The following CD36 variants were observed in gnomAD, a reference collection of about 807,000 sequenced individuals.
CD36 encodes platelet glycoprotein 4.
In CD36, 119 loss-of-function variants were observed where a neutral mutation model predicts 55.2. The ratio of observed to expected loss-of-function variants is 2.15; its 90% CI spans 1.86 to 2.51. CD36 has a LOEUF of 2.51. Ranked by LOEUF, CD36 falls within the 30% of genes most tolerant of loss-of-function variation. CD36 has a pLI of 0.00. For synonymous variants in CD36, 186 were observed against 193.6 expected (o/e 0.96, Z 0.33); for missense variants, 819 against 555.5 (o/e 1.47, Z -4.77).
chr7:80,614,712 AC>A (rs1228345205), intron 1 of CD36, among the ~76,000 whole-genome samples: 1 of 151,870 alleles, frequency 6.6e-6, no homozygotes, highest in East Asian at 1.9e-4. Context: ...CAATTCCAAT[AC>A]CCCAGTTTAT....
At chr7:80,604,301 T>C (rs1233078485) in intron 1 of CD36, among the ~76,000 whole-genome samples, 1 of 150,728 alleles carries the variant, frequency 6.6e-6, no homozygotes, top group Non-Finnish European at 1.5e-5. Context: ...GTAAATAGTT[T>C]TAGTGTTCTG....
chr7:80,661,028 A>G, intron 4 of CD36, 35 bp from the exon 5 acceptor site: 1 of 1,503,024 alleles, frequency 6.7e-7, no homozygotes, highest in Non-Finnish European at 9.3e-7. Context: ...ACATATGACA[A>G]ATGTTTTGAA....
chr7:80,667,537 A>G (rs1234439237), intron 8 of CD36, among the ~76,000 whole-genome samples: 1 of 152,024 alleles, frequency 6.6e-6, no homozygotes, highest in Non-Finnish European at 1.5e-5. Context: ...AGTTTAGAAA[A>G]TTAGGGAATA....
chr7:80,634,828 A>T (rs1044929451), upstream of CD36, among the ~76,000 whole-genome samples: 4 of 152,058 alleles, frequency 2.6e-5, no homozygotes, highest in African/African-American at 7.2e-5. Context: ...CTCAAAGTGG[A>T]TAAAGGCTTT....
chr7:80,640,508 C>T (rs1241444157), intron 1 of CD36, among the ~76,000 whole-genome samples: 1 of 151,964 alleles, frequency 6.6e-6, no homozygotes, highest in African/African-American at 2.4e-5. Context: ...AACTGTATCA[C>T]AGACAAACTT....
rs188355801 is a variant in CD36, at chr7:80,669,388, G to C, written c.749-565G>C. Among the ~76,000 whole-genome samples the C allele has an allele frequency of 2.4e-4, 37 of 152,156 alleles. 1 individual carries two copies. The highest frequency in any genetic ancestry group is 2.0e-3 in the Admixed American group (31 of 15,274). On this transcript the variant is annotated intron_variant, in intron 8 of 14. Transcript: ENST00000447544. Reference sequence around the variant, plus strand: ...TTAAGAATTTAAAATATTTTATAATGGTTACATGTTAAAATATTTTGGATA... The same window carrying C: ...TTAAGAATTTAAAATATTTTATAATCGTTACATGTTAAAATATTTTGGATA...
chr7:80,633,685 C>T (rs9784998), upstream of CD36, among the ~76,000 whole-genome samples: 19,622 of 151,838 alleles, frequency 0.13, 1,809 homozygotes, highest in East Asian at 0.34. Context: ...CTATAAGTGA[C>T]GAGCTGGCAA....
chr7:80,619,839 A>G (rs1354207279), intron 1 of CD36, among the ~76,000 whole-genome samples: 1 of 152,172 alleles, frequency 6.6e-6, no homozygotes, highest in African/African-American at 2.4e-5. Context: ...GATTGCAACC[A>G]TCATGGATGA....
chr7:80,651,193 C>T (rs985797174), intron 3 of CD36, among the ~76,000 whole-genome samples: 4 of 151,914 alleles, frequency 2.6e-5, no homozygotes, highest in East Asian at 1.9e-4. Context: ...ATTGAATACA[C>T]GTGGATATAA....
At chr7:80,635,002 G>A (rs1299553876), upstream of CD36, among the ~76,000 whole-genome samples, 1 of 151,610 alleles carries the variant, frequency 6.6e-6, no homozygotes, top group Admixed American at 6.6e-5. Context: ...ATTAAGAAAG[G>A]GACAAAGCAA....
chr7:80,613,383 G>C (rs1792982200), intron 1 of CD36, among the ~76,000 whole-genome samples: 2 of 152,018 alleles, frequency 1.3e-5, no homozygotes, highest in African/African-American at 2.4e-5. Context: ...ATTTATCATA[G>C]TATCTTGTTA....
intron 4 of CD36, among the ~76,000 whole-genome samples, chr7:80,657,932 T>C (rs2116602516): frequency 6.6e-6 from 1 of 152,328 alleles, no homozygotes; most frequent in South Asian, 2.1e-4. Context: ...TGTATAATTT[T>C]CCTTCTTCCC....
chr7:80,635,993 G>A (rs925242765), upstream of CD36, among the ~76,000 whole-genome samples: 40 of 151,872 alleles, frequency 2.6e-4, no homozygotes, highest in Non-Finnish European at 2.4e-4. Context: ...CCTCAAAAAC[G>A]CAACATTCTA....
At chr7:80,607,475 A>AT (rs938369475) in intron 1 of CD36, among the ~76,000 whole-genome samples, 3 of 152,100 alleles carry the variant, frequency 2.0e-5, no homozygotes, top group Admixed American at 6.5e-5. Flanking sequence ...AGATCTACTG[A>AT]TTTTTTACAA....
At chr7:80,631,468 A>G (rs1369326603) in intron 1 of CD36, among the ~76,000 whole-genome samples, 1 of 152,052 alleles carries the variant, frequency 6.6e-6, no homozygotes, top group Admixed American at 6.6e-5. Context: ...ATGAAGTTTA[A>G]TAGGTAAGTT....
intron 1 of CD36, among the ~76,000 whole-genome samples, 191 bp from the exon 2 acceptor site, chr7:80,645,897 G>C (rs1795134354): frequency 6.6e-6 from 1 of 152,080 alleles, no homozygotes; most frequent in Admixed American, 6.6e-5. Context: ...CTGAAAGTAA[G>C]ATACTCTTAT....
At chr7:80,633,339 G>A (rs1794198225) in intron 1 of CD36, 1 of 151,954 alleles carries the variant, frequency 6.6e-6, no homozygotes, top group African/African-American at 2.4e-5. Context: ...TCTGTTACAA[G>A]CATGACTTCT....
chr7:80,614,852 A>G (rs1254173047), intron 1 of CD36, among the ~76,000 whole-genome samples: 2 of 152,184 alleles, frequency 1.3e-5, no homozygotes, highest in Admixed American at 6.5e-5. Flanking sequence ...ATGCCAATAT[A>G]AAAGAAATGC....
At chr7:80,640,376 AATG>A (rs1024982259) in intron 1 of CD36, among the ~76,000 whole-genome samples, 1 of 152,066 alleles carries the variant, frequency 6.6e-6, no homozygotes, top group African/African-American at 2.4e-5. Flanking sequence ...TATGGTTTGA[AATG>A]ATACTTCATA....
Sources: gnomAD v4.1 joint callset for allele counts (sites outside exome capture counted in the v4.1 genomes callset) on GRCh38, gnomAD v4.1.1 for gene constraint, MANE v1.5 for transcripts, NCBI Gene and HGNC (gene_info 2026-07-23, HGNC 2026-07-21) for gene names.